The following CNIH3 variants were observed in gnomAD, a reference collection of about 807,000 sequenced individuals.
CNIH3 encodes the protein cornichon family AMPA receptor auxiliary protein 3, also known as protein cornichon homolog 3.
Under a neutral mutation model 24.1 loss-of-function variants are expected in CNIH3, and 14 were observed. The observed-to-expected ratio is 0.58, with a 90% CI of 0.38 to 0.91. The LOEUF is 0.91. CNIH3 is among the 40% of genes least tolerant of loss of function. The pLI, the probability that CNIH3 is intolerant of heterozygous loss-of-function variation, is 0.00. For missense variants in CNIH3, 178 were observed against 196.8 expected (o/e 0.90, Z 0.57); for synonymous variants, 68 against 73.8 (o/e 0.92, Z 0.40).
intron 3 of CNIH3, among the ~76,000 whole-genome samples, chr1:224,705,853 TTTTTTC>T (rs1687766809): frequency 3.7e-5 from 3 of 81,698 alleles, no homozygotes; most frequent in Admixed American, 1.3e-4. Context: ...TTCTTTTCTT[TTTTTTC>T]TTTTTTTTTT....
intron 1 of CNIH3, among the ~76,000 whole-genome samples, chr1:224,450,987 C>G (rs550482678): frequency 1.1e-4 from 16 of 152,314 alleles, no homozygotes; most frequent in Admixed American, 2.6e-4. Flanking sequence ...CTTAATTTAT[C>G]TATTCCTTAT....
chr1:224,698,182 G>C (rs1032643467), intron 3 of CNIH3, among the ~76,000 whole-genome samples: 9 of 152,194 alleles, frequency 5.9e-5, no homozygotes, highest in African/African-American at 2.2e-4. Flanking sequence ...ATAAGACCCA[G>C]CAGTAGACAA....
At chr1:224,517,232 C>G (rs1678427101) in intron 1 of CNIH3, among the ~76,000 whole-genome samples, 1 of 152,116 alleles carries the variant, frequency 6.6e-6, no homozygotes, top group South Asian at 2.1e-4. Context: ...CTGAGCACAC[C>G]TTGGAGCAGG....
rs187373673 is a variant in CNIH3, at chr1:224,726,080, A to C, written c.199-4382A>C. On this transcript the variant is annotated intron_variant, in intron 3 of 5. Transcript: ENST00000272133. The stretch of plus-strand genomic sequence containing the variant: ...AGACAAGTAAAATTCCTGGAAAAAC[A>C]AGATTGTGGACAATGGCTTACAGCT... Among the ~76,000 whole-genome samples, 47 of 152,362 alleles carry C rather than the reference A, an allele frequency of 3.1e-4. No homozygotes were observed. The East Asian group carries it at 5.8e-3, about 19-fold the overall frequency.
At chr1:224,510,596 C>CAAA (rs777592587) in intron 1 of CNIH3, among the ~76,000 whole-genome samples, 1,163 of 93,654 alleles carry the variant, frequency 0.012, 38 homozygotes, top group African/African-American at 0.036. Context: ...GACCCTGTCT[C>CAAA]AAAAAAAAAA....
intron 1 of CNIH3, among the ~76,000 whole-genome samples, chr1:224,646,781 C>T (rs1421681761): frequency 2.0e-5 from 3 of 152,208 alleles, no homozygotes; most frequent in East Asian, 1.9e-4. Flanking sequence ...GAGTTCTCAC[C>T]GGTTGACAGA....
chr1:224,599,457 A>G (rs16850015), intron 3 of CNIH3, among the ~76,000 whole-genome samples: 14,263 of 152,236 alleles, frequency 0.094, 940 homozygotes, highest in East Asian at 0.18. Flanking sequence ...GAAGCATTTA[A>G]TAAATAGAAA....
intron 1 of CNIH3, among the ~76,000 whole-genome samples, chr1:224,657,712 T>C (rs1456721307): frequency 6.6e-6 from 1 of 152,184 alleles, no homozygotes; most frequent in Non-Finnish European, 1.5e-5. Context: ...AGTGGCACAA[T>C]CTCCAAAGTT....
chr1:224,530,885 A>C (rs74885305), intron 2 of CNIH3, among the ~76,000 whole-genome samples: 5,561 of 152,306 alleles, frequency 0.037, 339 homozygotes, highest in African/African-American at 0.13. Flanking sequence ...GGCGTGAGCC[A>C]CTGTGTGGCC....
At chr1:224,579,687 A>C (rs1572516042) in intron 4 of CNIH3, among the ~76,000 whole-genome samples, 1 of 152,242 alleles carries the variant, frequency 6.6e-6, no homozygotes, top group East Asian at 1.9e-4. Flanking sequence ...TGTCGTCCTC[A>C]TGGTAATGAG....
chr1:224,709,563 A>G (rs1688018835), intron 3 of CNIH3, among the ~76,000 whole-genome samples: 1 of 152,134 alleles, frequency 6.6e-6, no homozygotes, highest in South Asian at 2.1e-4. Context: ...TTGTGTTGCC[A>G]AGGAGGCAGT....
At chr1:224,512,805 G>T (rs1678210340), upstream of CNIH3, among the ~76,000 whole-genome samples, 1 of 152,144 alleles carries the variant, frequency 6.6e-6, no homozygotes, top group South Asian at 2.1e-4. Context: ...GCCCATGTGT[G>T]GGTGGGTGTA....
At chr1:224,705,990 G>C (rs927741429) in intron 3 of CNIH3, among the ~76,000 whole-genome samples, 5 of 151,580 alleles carry the variant, frequency 3.3e-5, no homozygotes, top group African/African-American at 1.2e-4. Context: ...AGCACCCCAG[G>C]CTGATGACTA....
chr1:224,686,107 T>C (rs983756704), intron 3 of CNIH3, among the ~76,000 whole-genome samples: 11 of 151,630 alleles, frequency 7.3e-5, no homozygotes, highest in Middle Eastern at 3.4e-3. Context: ...GCTGCACCCA[T>C]TGACTCGTCA....
chr1:224,640,691 C>T (rs933072863), intron 1 of CNIH3, among the ~76,000 whole-genome samples: 1 of 152,176 alleles, frequency 6.6e-6, no homozygotes, highest in African/African-American at 2.4e-5. Flanking sequence ...TTCACCGGCT[C>T]TCTGGCTGCT....
At chr1:224,460,359 CA>C (rs976918574) in intron 1 of CNIH3, among the ~76,000 whole-genome samples, 6 of 152,184 alleles carry the variant, frequency 3.9e-5, no homozygotes, top group Non-Finnish European at 8.8e-5. Flanking sequence ...CCATCACCCA[CA>C]AAAGTTTTCT....
chr1:224,580,337 T>C (rs1455900824), intron 4 of CNIH3, among the ~76,000 whole-genome samples: 1 of 152,178 alleles, frequency 6.6e-6, no homozygotes, highest in Non-Finnish European at 1.5e-5. Context: ...AAAAAGTATC[T>C]GACACAAGCC....
intron 3 of CNIH3, among the ~76,000 whole-genome samples, chr1:224,564,699 C>A (rs1680509245): frequency 6.6e-6 from 1 of 152,260 alleles, no homozygotes; most frequent in South Asian, 2.1e-4. Flanking sequence ...TCAGGCCCTT[C>A]CTTCTGAGCA....
chr1:224,670,042 G>A (rs1201778259), intron 1 of CNIH3, among the ~76,000 whole-genome samples: 1 of 152,108 alleles, frequency 6.6e-6, no homozygotes, highest in African/African-American at 2.4e-5. Context: ...ACCAGTTGAG[G>A]TAGAGATTAT....
Sources: gnomAD v4.1 joint callset for allele counts (sites outside exome capture counted in the v4.1 genomes callset) on GRCh38, gnomAD v4.1.1 for gene constraint, MANE v1.5 for transcripts, NCBI Gene and HGNC (gene_info 2026-07-23, HGNC 2026-07-21) for gene names.